Variants in SYNE1 observed in about 807,000 individuals in gnomAD.
SYNE1 encodes the protein spectrin repeat containing nuclear envelope protein 1, also known as nesprin-1.
In SYNE1, 616 loss-of-function variants were observed where a neutral mutation model predicts 1,111.0. The observed-to-expected ratio is 0.55, with a 90% confidence interval of 0.52 to 0.59. The LOEUF is 0.59. Ranked by LOEUF, SYNE1 falls within the 20% of genes least tolerant of loss-of-function variation. SYNE1 has a pLI of 0.00. For missense variants in SYNE1, 10,006 were observed against 10,417.0 expected (o/e 0.96, Z 1.72); for synonymous variants, 3,855 against 3,825.8 (o/e 1.01, Z -0.28).
chr6:152,201,977 T>C (rs2075556000), intron 126 of SYNE1, 28 bp from the exon 127 acceptor site: 7 of 1,612,764 alleles, frequency 4.3e-6, no homozygotes, highest in Middle Eastern at 1.7e-4. Flanking sequence ...ACAAATAGCA[T>C]AGATGTTTTT....
chr6:152,312,376 A>T (rs959446917), intron 87 of SYNE1, among the ~76,000 whole-genome samples: 3 of 149,970 alleles, frequency 2.0e-5, no homozygotes, highest in African/African-American at 4.9e-5. Flanking sequence ...CGCCCAGCTA[A>T]TTTTGTATTT....
chr6:152,635,009 G>T (rs1049860480), intron 2 of SYNE1, among the ~76,000 whole-genome samples: 2 of 152,300 alleles, frequency 1.3e-5, no homozygotes, highest in East Asian at 3.9e-4. Context: ...GCCCAGTTAT[G>T]GGCTTCCTAC....
At chr6:152,308,743 G>C (rs1018662330) in intron 90 of SYNE1, 111 bp from the exon 91 acceptor site, 14 of 1,155,396 alleles carry the variant, frequency 1.2e-5, no homozygotes, top group Non-Finnish European at 1.2e-6. Flanking sequence ...AGGGAATAAA[G>C]AAATGATGGG....
chr6:152,627,441 T>C (rs2099687894), intron 3 of SYNE1, among the ~76,000 whole-genome samples: 1 of 148,312 alleles, frequency 6.7e-6, no homozygotes, highest in Non-Finnish European at 1.5e-5. Context: ...TCACCTGAGG[T>C]CAGGAGTTTG....
In SYNE1 at chr6:152,463,436, CA is replaced by C; in HGVS notation, c.2013del (p.Cys671TrpfsTer9). On this transcript the variant is annotated frameshift_variant, in exon 19 of 146. Coordinates refer to ENST00000367255, the MANE Select transcript of SYNE1 (RefSeq NM_182961.4). LOFTEE classifies it high-confidence loss of function. ...NDAGNFLIET[C>X]DEMVSRDLKQ... Reference sequence around the variant, plus strand: ...TTCAGGTCACGGGAAACCATCTCATCACAGGTTTCAATTAGAAAATTGCCAG... The same window carrying C: ...TTCAGGTCACGGGAAACCATCTCATCCAGGTTTCAATTAGAAAATTGCCAG... 1 of 1,613,774 alleles carries C rather than the reference CA, an allele frequency of 6.2e-7. No homozygotes were observed. The highest frequency in any genetic ancestry group is 8.5e-7 in the Non-Finnish European group (1 of 1,179,780).
At chr6:152,505,927 C>T (rs12194509) in intron 8 of SYNE1, among the ~76,000 whole-genome samples, 19,899 of 152,198 alleles carry the variant, frequency 0.13, 1,699 homozygotes, top group East Asian at 0.46. Context: ...CTTTCAAATG[C>T]AGTAGAATAG....
chr6:152,557,136 T>C (rs2099367806), intron 3 of SYNE1, among the ~76,000 whole-genome samples: 1 of 151,596 alleles, frequency 6.6e-6, no homozygotes, highest in Non-Finnish European at 1.5e-5. Context: ...AAACAAAAAT[T>C]CTGGAGCTGA....
intron 60 of SYNE1, 45 bp downstream of exon 60, chr6:152,369,426 A>G: frequency 6.2e-7 from 1 of 1,613,910 alleles, no homozygotes; most frequent in Non-Finnish European, 8.5e-7. Context: ...CAGAGGACGG[A>G]CAAAGACTAG....
chr6:152,403,166 G>A (rs2154154536), intron 46 of SYNE1, among the ~76,000 whole-genome samples: 1 of 152,270 alleles, frequency 6.6e-6, no homozygotes, highest in Non-Finnish European at 1.5e-5. Flanking sequence ...AAGCTAAAGG[G>A]ATGCAGCAGA....
In SYNE1 at chr6:152,334,044, A is replaced by G; in HGVS notation, c.12758T>C (p.Leu4253Pro). The G allele has an allele frequency of 6.2e-7, 1 of 1,614,204 alleles. No homozygotes were observed. The highest frequency in any genetic ancestry group is 1.1e-5 in the South Asian group (1 of 91,078). ...ATCCCATTCTGTAGTAAATTTTTCT[A>G]GGAACACTTCAACAACATTCATACA... ...HDCMNVVEVF[L>P]EKFTTEWDNL... Residue 4253 changes from leucine to proline, a missense_variant, in exon 77 of 146, where the codon CTA becomes CCA. Leu to Pro is a moderately conservative substitution (Grantham distance 98). Around this residue, in one of 7 missense-constraint regions of SYNE1, gnomAD observed 4,955 missense variants for 5,017.2 expected, o/e 0.99. Transcript: ENST00000367255.
At position 152,484,035 on chromosome 6, in the gene SYNE1, CTA is replaced by C. The variant is rs1215787945; in HGVS notation, c.1186-788_1186-787del. Among the ~76,000 whole-genome samples the C allele has an allele frequency of 1.2e-4, 8 of 66,130 alleles. No homozygotes were observed. In the East Asian group the frequency reaches 2.1e-3, roughly 18 times the overall value. 43.4% of individuals were successfully genotyped at this position (66,130 alleles called of 152,430 possible). On this transcript the variant is annotated intron_variant, in intron 13 of 145. Coordinates refer to ENST00000367255, the MANE Select transcript of SYNE1 (RefSeq NM_182961.4). ...TGGGCAATATAGTGAGATCTCATCTCTACAAAAAAAAAAAAAAAAAAAAAAAA... is the reference window on the plus strand; with the variant it reads ...TGGGCAATATAGTGAGATCTCATCTCCAAAAAAAAAAAAAAAAAAAAAAAA...
intron 127 of SYNE1, 98 bp from the exon 128 acceptor site, chr6:152,189,505 G>T: frequency 6.0e-6 from 7 of 1,172,462 alleles, no homozygotes; most frequent in African/African-American, 1.5e-5. Flanking sequence ...CCTTTGTATA[G>T]CCCTCAATTT....
chr6:152,195,449 G>T (rs1033050492), intron 127 of SYNE1, among the ~76,000 whole-genome samples: 1 of 152,126 alleles, frequency 6.6e-6, no homozygotes, highest in African/African-American at 2.4e-5. Flanking sequence ...GGTTTTCCAG[G>T]TATTTGAAGG....
intron 4 of SYNE1, among the ~76,000 whole-genome samples, chr6:152,526,822 C>T (rs766447468): frequency 3.3e-5 from 5 of 152,090 alleles, no homozygotes; most frequent in South Asian, 2.1e-4. Flanking sequence ...AAGTACAGAC[C>T]GATCAGTGCA....
At chr6:152,575,500 A>G (rs1376906907) in intron 3 of SYNE1, among the ~76,000 whole-genome samples, 2 of 152,210 alleles carry the variant, frequency 1.3e-5, no homozygotes, top group Non-Finnish European at 1.5e-5. Context: ...TTAGAATCTT[A>G]AAATAGTTGT....
At position 152,189,243 on chromosome 6, in the gene SYNE1, T is replaced by A. The variant is rs1343088829; in HGVS notation, c.23301+9A>T. The A allele has an allele frequency of 6.2e-7, 1 of 1,613,372 alleles. No individual in the cohort carries two copies. Among genetic ancestry groups the A allele is most frequent in the East Asian group, 2.2e-5 (1 of 44,862 alleles). On this transcript the variant is annotated intron_variant, in intron 128 of 145. Transcript: ENST00000367255. The stretch of plus-strand genomic sequence containing the variant: ...ATCAAGATAATTCCATTTTTAGAAC[T>A]TATCTTACCTGGTGGCATAGTTCTT...
chr6:152,300,533 C>A, intron 93 of SYNE1, 108 bp downstream of exon 93: 1 of 1,522,090 alleles, frequency 6.6e-7, no homozygotes, highest in Non-Finnish European at 9.1e-7. Context: ...TCCCTGGAAC[C>A]AAATGCAACA....
rs1359485802 is a variant in SYNE1, at chr6:152,241,402, A to AT, written c.19893+837dup. On this transcript the variant is annotated intron_variant, in intron 107 of 145. Coordinates refer to ENST00000367255, the MANE Select transcript of SYNE1 (RefSeq NM_182961.4). ...TTTTAAACTTCTATAACCCAATGGG[A>AT]TTTTTTTAGTTTCCCTACAGGAAAT... Among the ~76,000 whole-genome samples the AT allele has an allele frequency of 3.9e-5, 6 of 152,026 alleles. No homozygotes were observed. In the East Asian group the frequency reaches 1.2e-3, roughly 29 times the overall value.
At position 152,323,571 on chromosome 6, in the gene SYNE1, G is replaced by T. The variant is rs2095950876; in HGVS notation, c.15824C>A (p.Thr5275Asn). The change falls in exon 82 of 146, where the codon ACC becomes AAC. Residue 5275 changes from threonine (T) to asparagine (N), a missense_variant. By Grantham distance (65) the Thr-to-Asn change is moderately conservative. This residue lies in a region of SYNE1 where 4,955 missense variants were observed against 5,017.2 expected (regional missense o/e 0.99). Coordinates refer to ENST00000367255, the MANE Select transcript of SYNE1 (RefSeq NM_182961.4). ...QSALGMLRQQ[T>N]LSMLQDGAAP... ...GGCTCCATCCTGGAGCATGCTCAGG[G>T]TTTGCTGCCGCAGCATGCCCAAGGC... The T allele has an allele frequency of 1.2e-6, 2 of 1,614,104 alleles. No individual in the cohort carries two copies. Among genetic ancestry groups the T allele is most frequent in the East Asian group, 4.5e-5 (2 of 44,892 alleles).
Sources: allele counts gnomAD v4.1 joint callset (sites outside exome capture counted in the v4.1 genomes callset), GRCh38; gene constraint gnomAD v4.1.1; regional missense constraint gnomAD v4.1.1; transcripts MANE v1.5; gene names NCBI Gene and HGNC (gene_info 2026-07-23, HGNC 2026-07-21).